The following HIBADH variants were observed in gnomAD, a reference collection of about 807,000 sequenced individuals.
The protein encoded by HIBADH is 3-hydroxyisobutyrate dehydrogenase.
In HIBADH, 25 loss-of-function variants were observed where a neutral mutation model predicts 36.1. That is an observed-to-expected ratio of 0.69 (90% CI 0.50 to 0.97). The LOEUF (loss-of-function observed/expected upper bound fraction) is 0.97. Among genes scored for constraint, HIBADH ranks in the 50% least tolerant of loss-of-function variants. HIBADH has a pLI of 0.00. For missense variants in HIBADH, 421 were observed against 418.0 expected (o/e 1.01, Z -0.06); for synonymous variants, 160 against 149.5 (o/e 1.07, Z -0.51).
intron 4 of HIBADH, among the ~76,000 whole-genome samples, chr7:27,547,020 A>T (rs952088205): frequency 2.6e-5 from 4 of 152,208 alleles, no homozygotes; most frequent in African/African-American, 9.6e-5. Context: ...TTTGTTCCCT[A>T]TTCCCAACCC....
intron 1 of HIBADH, among the ~76,000 whole-genome samples, chr7:27,653,560 C>A (rs1401464464): frequency 3.3e-5 from 5 of 151,968 alleles, no homozygotes; most frequent in African/African-American, 1.2e-4. Flanking sequence ...ATGGTGAAAC[C>A]CCGTCTCTAC....
chr7:27,659,796 G>GCCTGTAAGC (rs1276553584), intron 1 of HIBADH, among the ~76,000 whole-genome samples: 2 of 152,228 alleles, frequency 1.3e-5, no homozygotes, highest in Non-Finnish European at 2.9e-5. Context: ...AGTGGCTAAT[G>GCCTGTAAGC]CCTGTAAGCC....
intron 6 of HIBADH, among the ~76,000 whole-genome samples, chr7:27,536,324 TA>T (rs1784069466): frequency 6.6e-6 from 1 of 152,142 alleles, no homozygotes; most frequent in South Asian, 2.1e-4. Flanking sequence ...ACTAGAAACT[TA>T]TAAATTATTT....
intron 4 of HIBADH, among the ~76,000 whole-genome samples, chr7:27,621,272 TG>T (rs1182340111): frequency 1.3e-5 from 2 of 152,158 alleles, no homozygotes; most frequent in African/African-American, 4.8e-5. Flanking sequence ...CAATAATAGT[TG>T]GGGGCTTCAA....
intron 2 of HIBADH, among the ~76,000 whole-genome samples, chr7:27,633,077 G>C (rs1317065079): frequency 1.3e-5 from 2 of 152,152 alleles, no homozygotes; most frequent in African/African-American, 2.4e-5. Context: ...CGAAACTTAC[G>C]TGGAAACTAC....
chr7:27,651,393 T>G (rs1342272890), intron 1 of HIBADH, among the ~76,000 whole-genome samples: 1 of 151,686 alleles, frequency 6.6e-6, no homozygotes, highest in African/African-American at 2.4e-5. Flanking sequence ...CTGGTATAGT[T>G]TGTCTTTCTG....
At chr7:27,589,241 C>T (rs1339254097) in intron 4 of HIBADH, among the ~76,000 whole-genome samples, 1 of 152,114 alleles carries the variant, frequency 6.6e-6, no homozygotes. Context: ...TTAAAAATCA[C>T]TAAAATGCTT....
chr7:27,642,694 C>G (rs1398599215), intron 2 of HIBADH, among the ~76,000 whole-genome samples: 2 of 136,880 alleles, frequency 1.5e-5, no homozygotes, highest in African/African-American at 5.6e-5. Context: ...CTCTGTCGCC[C>G]AGGCTGGAGT....
rs1784754877 is a variant in HIBADH, at chr7:27,579,078, G to A, written c.485-35978C>T. ...AGATGAAGAAACAAAACAACTAAAT[G>A]TAACATATGAACTTTTATTAGATGC... On this transcript the variant is annotated intron_variant, in intron 4 of 7. Transcript: ENST00000265395. 1.3e-5 allele frequency among the ~76,000 whole-genome samples: 2 copies of A among 152,158 alleles called. 1 individual carries two copies. The highest frequency in any genetic ancestry group is 4.1e-4 in the South Asian group (2 of 4,834).
intron 4 of HIBADH, among the ~76,000 whole-genome samples, chr7:27,592,618 C>T (rs1784956438): frequency 6.6e-6 from 1 of 150,610 alleles, no homozygotes. Context: ...GGAAAACAAA[C>T]AAAAAAAAAC....
At chr7:27,567,351 A>G (rs534089119) in intron 4 of HIBADH, among the ~76,000 whole-genome samples, 1 of 152,198 alleles carries the variant, frequency 6.6e-6, no homozygotes, top group South Asian at 2.1e-4. Context: ...ATCTTTTTCT[A>G]TACTTTTAAT....
In HIBADH at chr7:27,645,511, T is replaced by C. The variant is rs183653621; in HGVS notation, c.252+3962A>G. Among the ~76,000 whole-genome samples, 493 of 151,714 alleles carry C rather than the reference T, an allele frequency of 3.2e-3. 6 individuals carry two copies. Among genetic ancestry groups the C allele is most frequent in the African/African-American group, 0.011 (464 of 41,382 alleles). Reference sequence around the variant, plus strand: ...CTCCCACCTCAGCCTCCTGAGTAGCTGGTATTACAGGTGCACACCACCACA... The same window carrying C: ...CTCCCACCTCAGCCTCCTGAGTAGCCGGTATTACAGGTGCACACCACCACA... On this transcript the variant is annotated intron_variant, in intron 2 of 7. Coordinates refer to ENST00000265395, the MANE Select transcript of HIBADH (RefSeq NM_152740.4).
At chr7:27,553,593 G>A (rs1049424656) in intron 4 of HIBADH, among the ~76,000 whole-genome samples, 2 of 152,192 alleles carry the variant, frequency 1.3e-5, no homozygotes, top group African/African-American at 2.4e-5. Flanking sequence ...CAGAAATGCA[G>A]AGTGGGGTTT....
At chr7:27,558,793 AAGG>A (rs1448108365) in intron 4 of HIBADH, among the ~76,000 whole-genome samples, 1 of 152,226 alleles carries the variant, frequency 6.6e-6, no homozygotes, top group Non-Finnish European at 1.5e-5. Flanking sequence ...GCATTCAGGA[AAGG>A]AGGAGCCCTC....
chr7:27,527,396 C>T (rs1562609606), intron 7 of HIBADH, among the ~76,000 whole-genome samples: 1 of 152,102 alleles, frequency 6.6e-6, no homozygotes, highest in African/African-American at 2.4e-5. Flanking sequence ...TGGTACAACA[C>T]AAACGAGGCT....
intron 4 of HIBADH, among the ~76,000 whole-genome samples, chr7:27,562,397 T>C (rs527493809): frequency 3.9e-5 from 6 of 152,238 alleles, no homozygotes; most frequent in Non-Finnish European, 8.8e-5. Flanking sequence ...ATTTTATTTT[T>C]ATTTAGATAT....
chr7:27,629,435 T>G lies in HIBADH; in HGVS notation c.420A>C (p.Ser140=), dbSNP rs771931131. 15 of 1,611,678 alleles carry G rather than the reference T, an allele frequency of 9.3e-6. No individual in the cohort carries two copies. In the South Asian group the frequency reaches 1.7e-4, roughly 18 times the overall value. ...TCTCAACTTCTTTGGCCAATTCTTT[T>G]GAAACTGCAGGATCAATAGTGCTGG... ...IDSSTIDPAV[S]KELAKEVEKM... The change falls in exon 4 of 8, where the codon TCA becomes TCC. Residue 140 remains serine (S), a synonymous_variant. Coordinates refer to ENST00000265395, the MANE Select transcript of HIBADH (RefSeq NM_152740.4).
intron 1 of HIBADH, among the ~76,000 whole-genome samples, chr7:27,654,629 T>C (rs1786263475): frequency 6.6e-6 from 1 of 151,856 alleles, no homozygotes; most frequent in Non-Finnish European, 1.5e-5. Context: ...TATACAAATA[T>C]TTGTATATTC....
chr7:27,622,009 C>G (rs1376172325), intron 4 of HIBADH, among the ~76,000 whole-genome samples: 1 of 145,446 alleles, frequency 6.9e-6, no homozygotes, highest in African/African-American at 2.7e-5. Context: ...GAGGCCAGCA[C>G]TTTGGGAGGC....
Sources: gnomAD v4.1 joint callset for allele counts (sites outside exome capture counted in the v4.1 genomes callset) on GRCh38, gnomAD v4.1.1 for gene constraint, MANE v1.5 for transcripts, NCBI Gene and HGNC (gene_info 2026-07-23, HGNC 2026-07-21) for gene names.